Variants in LRP8 observed in about 807,000 individuals in gnomAD.
The protein encoded by LRP8 is LDL receptor related protein 8, also known as low-density lipoprotein receptor-related protein 8.
A neutral mutation model predicts 111.6 loss-of-function variants in LRP8; 46 were observed. That is an observed-to-expected ratio of 0.41 (90% CI 0.33 to 0.53). The LOEUF (loss-of-function observed/expected upper bound fraction) is 0.53, where lower values mean the gene tolerates loss of function less well. Ranked by LOEUF, LRP8 falls within the 20% of genes least tolerant of loss-of-function variation. The probability of loss-of-function intolerance (pLI) is 0.20; values close to 1 mark genes in which losing one functional copy is unlikely to be tolerated. For missense variants in LRP8, 959 were observed against 1,297.4 expected (o/e 0.74, Z 4.01); for synonymous variants, 464 against 511.2 (o/e 0.91, Z 1.24).
At chr1:53,265,230 C>T (rs576539645) in intron 9 of LRP8, among the ~76,000 whole-genome samples, 7 of 152,172 alleles carry the variant, frequency 4.6e-5, no homozygotes, top group Admixed American at 4.6e-4. Flanking sequence ...TCTTCTTGCC[C>T]TCTCTCTGGG....
At chr1:53,264,536 C>T (rs1211740873) in intron 9 of LRP8, 140 bp from the exon 10 acceptor site, 5 of 705,800 alleles carry the variant, frequency 7.1e-6, no homozygotes, top group South Asian at 5.5e-5. Context: ...TTCCACTCTA[C>T]ACATTCCCTG....
At chr1:53,256,733 T>C (rs546102139) in intron 15 of LRP8, among the ~76,000 whole-genome samples, 1 of 152,378 alleles carries the variant, frequency 6.6e-6, no homozygotes, top group East Asian at 1.9e-4. Context: ...TTAATTATTT[T>C]CATCCCAGGG....
intron 8 of LRP8, among the ~76,000 whole-genome samples, chr1:53,270,584 G>C (rs1250964342): frequency 6.6e-6 from 1 of 152,164 alleles, no homozygotes; most frequent in East Asian, 1.9e-4. Flanking sequence ...CTTAAAGCAG[G>C]AATGGGAAAA....
intron 2 of LRP8, among the ~76,000 whole-genome samples, chr1:53,312,768 A>G (rs1443616880): frequency 6.6e-6 from 1 of 152,190 alleles, no homozygotes. Flanking sequence ...TTGGGGGCTC[A>G]GCTAGACTGG....
intron 4 of LRP8, 51 bp from the exon 5 acceptor site, chr1:53,277,129 C>T (rs1646950415): frequency 7.1e-7 from 1 of 1,400,080 alleles, no homozygotes; most frequent in Non-Finnish European, 9.3e-7. Context: ...CCCGGCCGAC[C>T]TGGGGCCCCG....
intron 2 of LRP8, among the ~76,000 whole-genome samples, chr1:53,298,779 C>T (rs1415233164): frequency 2.0e-5 from 3 of 152,224 alleles, no homozygotes; most frequent in South Asian, 2.1e-4. Context: ...TCCACAGCTC[C>T]GCCTCCCTTG....
At chr1:53,297,517 C>T (rs1649977448) in intron 2 of LRP8, among the ~76,000 whole-genome samples, 1 of 152,186 alleles carries the variant, frequency 6.6e-6, no homozygotes, top group Admixed American at 6.5e-5. Context: ...CCACCATCAT[C>T]CATCAGCAGG....
At chr1:53,255,314 C>G in intron 15 of LRP8, 129 bp from the exon 16 acceptor site, 1 of 775,422 alleles carries the variant, frequency 1.3e-6, no homozygotes. Context: ...TGGCTGTTGC[C>G]TAATAATTCA....
At chr1:53,274,393 G>C (rs1387516439) in intron 6 of LRP8, among the ~76,000 whole-genome samples, 1 of 152,264 alleles carries the variant, frequency 6.6e-6, no homozygotes, top group Non-Finnish European at 1.5e-5. Flanking sequence ...CACCGAGGAA[G>C]AGAGAAAGTT....
intron 2 of LRP8, among the ~76,000 whole-genome samples, chr1:53,309,365 C>T (rs1384333110): frequency 2.6e-5 from 4 of 152,192 alleles, no homozygotes; most frequent in African/African-American, 7.2e-5. Flanking sequence ...GATGATAGTG[C>T]GTGGGGCTCA....
At position 53,255,101 on chromosome 1, in the gene LRP8, TG is replaced by T. The variant is rs1187850373; in HGVS notation, c.2503+15del. The T allele has an allele frequency of 8.1e-6, 13 of 1,612,828 alleles. No individual in the cohort carries two copies. Among genetic ancestry groups the T allele is most frequent in the South Asian group, 1.1e-5 (1 of 91,048 alleles). On this transcript the variant is annotated intron_variant, in intron 16 of 18. Transcript: ENST00000306052. ...GGGTCTCTCTTTTCTCTTCAGTGAC[TG>T]GGGGCCACACTCACCTATGGGCACG... is the stretch of plus-strand genomic sequence containing the variant.
chr1:53,261,953 G>A (rs964141655), intron 12 of LRP8, 115 bp downstream of exon 12: 3 of 1,253,992 alleles, frequency 2.4e-6, no homozygotes, highest in African/African-American at 3.0e-5. Context: ...CAAATCAGTT[G>A]GTTTCCCTGT....
chr1:53,250,555 G>A lies in LRP8; in HGVS notation c.2676+135C>T, dbSNP rs1645863180. The A allele has an allele frequency of 2.8e-6, 2 of 710,780 alleles. No individual in the cohort carries two copies. Among genetic ancestry groups the A allele is most frequent in the South Asian group, 1.8e-5 (1 of 54,836 alleles). The allele number at this position is 710,780 out of a possible 1,614,324, so 44.0% of individuals were successfully genotyped here. A position where few individuals can be genotyped will look rare whatever the true frequency, so the allele number is the denominator to read the frequency against. ...ACAGGGAGGGAGGGAAGGACGGAAG[G>A]AAAGGAGGGAGGGAAGGACGGAAGG... is the stretch of plus-strand genomic sequence containing the variant. On this transcript the variant is annotated intron_variant, in intron 17 of 18. Coordinates refer to ENST00000306052, the MANE Select transcript of LRP8 (RefSeq NM_004631.5). This position sits in a 1 kb window ranked among gnomAD's most constrained non-coding sequence, Gnocchi z 4.6.
intron 3 of LRP8, among the ~76,000 whole-genome samples, chr1:53,283,263 C>G (rs998011923): frequency 2.0e-5 from 3 of 152,086 alleles, no homozygotes; most frequent in African/African-American, 7.3e-5. Context: ...GGGCCCTCAC[C>G]AGACACGGAA....
chr1:53,326,872 C>T lies in LRP8; in HGVS notation c.244+1G>A. Reference sequence around the variant, plus strand: ...TCTGAGCTCCCTGGCCCGCCACTCACGGCAGTCGTCCTCGTCGCTGTGGTC... The same window carrying T: ...TCTGAGCTCCCTGGCCCGCCACTCATGGCAGTCGTCCTCGTCGCTGTGGTC... On this transcript the variant is annotated splice_donor_variant, in intron 2 of 18. Transcript: ENST00000306052. LOFTEE classifies it high-confidence loss of function. 6.2e-7 allele frequency: 1 copy of T among 1,612,428 alleles called. No homozygotes were observed. The highest frequency in any genetic ancestry group is 1.3e-5 in the African/African-American group (1 of 75,002).
intron 13 of LRP8, among the ~76,000 whole-genome samples, chr1:53,259,161 AAGTGCAGCAGTGCAATCAT>A (rs1220904122): frequency 6.6e-6 from 1 of 152,174 alleles, no homozygotes; most frequent in Non-Finnish European, 1.5e-5. Flanking sequence ...TGCCTAGACT[AAGTGCAGCAGTGCAATCAT>A]AGCTCACTGC....
chr1:53,260,071 T>G (rs1646272281), intron 13 of LRP8, among the ~76,000 whole-genome samples: 1 of 152,192 alleles, frequency 6.6e-6, no homozygotes, highest in Non-Finnish European at 1.5e-5. Flanking sequence ...TGGCTACAAA[T>G]AGCAAGTTAG....
At chr1:53,311,282 G>T (rs1338272772) in intron 2 of LRP8, among the ~76,000 whole-genome samples, 4 of 152,106 alleles carry the variant, frequency 2.6e-5, no homozygotes, top group Non-Finnish European at 5.9e-5. Context: ...AGCGGGGAGG[G>T]GTAGCTGTCT....
Position 53,303,719 on chromosome 1 carries a change from G to A in LRP8, c.245-14030C>T, listed in dbSNP as rs1557842969. Among the ~76,000 whole-genome samples the A allele has an allele frequency of 6.6e-6, 1 of 152,136 alleles. No homozygotes were observed. The highest frequency in any genetic ancestry group is 1.5e-5 in the Non-Finnish European group (1 of 68,030). On this transcript the variant is annotated intron_variant, in intron 2 of 18. Coordinates refer to ENST00000306052, the MANE Select transcript of LRP8 (RefSeq NM_004631.5). This position sits in a 1 kb window ranked among gnomAD's most constrained non-coding sequence, Gnocchi z 4.3. ...CCTAGAAGCTTCTAATCTAATCCAGGCACCAGGAGTGGCAAAGGCCTGCCC... is the reference window on the plus strand; with the variant it reads ...CCTAGAAGCTTCTAATCTAATCCAGACACCAGGAGTGGCAAAGGCCTGCCC...
Sources: allele counts gnomAD v4.1 joint callset (sites outside exome capture counted in the v4.1 genomes callset), GRCh38; gene constraint gnomAD v4.1.1; non-coding constraint Gnocchi (gnomAD v3.1); transcripts MANE v1.5; gene names NCBI Gene and HGNC (gene_info 2026-07-23, HGNC 2026-07-21).